EIF4G3: variants seen among roughly 807,000 people sequenced by gnomAD.
EIF4G3 encodes the protein eukaryotic translation initiation factor 4 gamma 3, also known as eIF-4-gamma 3.
Under a neutral mutation model 186.4 loss-of-function variants are expected in EIF4G3, and 34 were observed. The ratio of observed to expected loss-of-function variants is 0.18; its 90% CI spans 0.14 to 0.24. The LOEUF (loss-of-function observed/expected upper bound fraction) is 0.24. Among genes scored for constraint, EIF4G3 ranks in the 10% least tolerant of loss-of-function variants. The probability of loss-of-function intolerance (pLI) is 1.00; values close to 1 mark genes in which losing one functional copy is unlikely to be tolerated. For missense variants in EIF4G3, 1,536 were observed against 1,948.5 expected, an observed-to-expected ratio of 0.79 and a Z score of 3.99; for synonymous variants, 673 against 679.5, an observed-to-expected ratio of 0.99 and a Z score of 0.15.
intron 14 of EIF4G3, among the ~76,000 whole-genome samples, chr1:20,938,983 T>C (rs1274548270): frequency 5.3e-5 from 8 of 152,046 alleles, no homozygotes; most frequent in Admixed American, 5.2e-4. Context: ...GGCACACGCC[T>C]ATAATCCCAG....
At chr1:20,921,528 C>T (rs12128406) in intron 14 of EIF4G3, among the ~76,000 whole-genome samples, 1 of 152,162 alleles carries the variant, frequency 6.6e-6, no homozygotes, top group Non-Finnish European at 1.5e-5. Context: ...GATTATGTCA[C>T]AGGATTGCAA....
At chr1:20,845,021 C>T (rs2070316275) in intron 29 of EIF4G3, among the ~76,000 whole-genome samples, 1 of 152,156 alleles carries the variant, frequency 6.6e-6, no homozygotes, top group Admixed American at 6.6e-5. Context: ...CTGTTTTTGG[C>T]ATCTTCATCA....
intron 3 of EIF4G3, among the ~76,000 whole-genome samples, chr1:21,071,721 G>A (rs542026731): frequency 3.6e-4 from 55 of 151,530 alleles, no homozygotes; most frequent in Non-Finnish European, 6.6e-4. Context: ...CAGGAGAATC[G>A]CTTGAACCCA....
At chr1:20,853,487 C>G (rs2073977701) in intron 27 of EIF4G3, 73 bp downstream of exon 27, 7 of 958,150 alleles carry the variant, frequency 7.3e-6, no homozygotes, top group East Asian at 2.4e-5. Flanking sequence ...CTATCAAAAC[C>G]CTTGTTCTTA....
chr1:21,015,824 G>A (rs1238205649), intron 4 of EIF4G3, among the ~76,000 whole-genome samples: 2 of 149,022 alleles, frequency 1.3e-5, no homozygotes, highest in Admixed American at 1.3e-4. Context: ...CAAAAATGAG[G>A]GAAGAATTAA....
chr1:21,117,763 T>TAAAAAAAAAAA (rs757506833), intron 2 of EIF4G3, among the ~76,000 whole-genome samples: 39 of 107,524 alleles, frequency 3.6e-4, no homozygotes, highest in East Asian at 1.1e-3. Flanking sequence ...AAAAAAAAAT[T>TAAAAAAAAAAA]AAAAGCAGAA....
intron 19 of EIF4G3, among the ~76,000 whole-genome samples, chr1:20,880,280 C>T (rs1261656787): frequency 6.6e-6 from 1 of 152,162 alleles, no homozygotes; most frequent in African/African-American, 2.4e-5. Flanking sequence ...TAATTGTCTA[C>T]ATAGACAATC....
At position 21,053,857 on chromosome 1, in the gene EIF4G3, C is replaced by G. The variant is rs1197184356; in HGVS notation, c.-195-2863G>C. Among the ~76,000 whole-genome samples the G allele has an allele frequency of 2.1e-5, 3 of 143,712 alleles. No homozygotes were observed. The East Asian group carries it at 6.4e-4, about 31-fold the overall frequency. The allele number at this position is 143,712 out of a possible 152,430, so 94.3% of individuals were successfully genotyped here. A position where few individuals can be genotyped will look rare whatever the true frequency, so the allele number is the denominator to read the frequency against. On this transcript the variant is annotated intron_variant, in intron 3 of 36. Transcript: ENST00000602326. ...TCCGGGAGGGAGGTGGGGGGGTCAG[C>G]CCCCCGCCCGGCCAGCCGCCCCGTC...
At position 20,878,774 on chromosome 1, in the gene EIF4G3, G is replaced by T. The variant is rs184694822; in HGVS notation, c.2622+549C>A. On this transcript the variant is annotated intron_variant, in intron 20 of 36. Transcript: ENST00000602326. Reference sequence around the variant, plus strand: ...AATGAACACTAACCAGAAGCTCTTTGGTCTCCCTCTCTGTCTTGCCCTAGG... The same window carrying T: ...AATGAACACTAACCAGAAGCTCTTTTGTCTCCCTCTCTGTCTTGCCCTAGG... 1.2e-3 allele frequency among the ~76,000 whole-genome samples: 178 copies of T among 152,274 alleles called. 2 individuals carry two copies. Among genetic ancestry groups the T allele is most frequent in the Non-Finnish European group, 6.5e-4 (44 of 68,020 alleles).
chr1:21,100,409 T>C (rs2096489335), intron 2 of EIF4G3, among the ~76,000 whole-genome samples: 1 of 152,182 alleles, frequency 6.6e-6, no homozygotes, highest in Non-Finnish European at 1.5e-5. Flanking sequence ...CCAAAAAAAG[T>C]AAATATTATT....
chr1:20,973,017 C>G lies in EIF4G3; in HGVS notation c.576G>C (p.Lys192Asn). ...AATCTCTTACAGTTTTTTTCTCTCTCTTGGCTGGAGGCGGCTGTTGCTGCG... is the reference window on the plus strand; with the variant it reads ...AATCTCTTACAGTTTTTTTCTCTCTGTTGGCTGGAGGCGGCTGTTGCTGCG... ...VPTQQQPPPA[K>N]REKKTIRIRD... The change falls in exon 11 of 37, where the codon AAG becomes AAC. Residue 192 changes from lysine (K) to asparagine (N), a missense_variant. By Grantham distance (94) the Lys-to-Asn change is moderately conservative. This residue lies in a region of EIF4G3 where 194 missense variants were observed against 212.8 expected (regional missense o/e 0.91). Transcript: ENST00000602326. The G allele has an allele frequency of 6.2e-7, 1 of 1,601,704 alleles. No homozygotes were observed. Among genetic ancestry groups the G allele is most frequent in the Non-Finnish European group, 8.5e-7 (1 of 1,176,666 alleles).
At position 20,810,895 on chromosome 1, in the gene EIF4G3, T is replaced by C. The variant is rs929839925; in HGVS notation, c.4598-11A>G. 14 of 1,606,022 alleles carry C rather than the reference T, an allele frequency of 8.7e-6. No individual in the cohort carries two copies. Among genetic ancestry groups the C allele is most frequent in the South Asian group, 2.2e-5 (2 of 90,738 alleles). On this transcript the variant is annotated splice_polypyrimidine_tract_variant and intron_variant, in intron 35 of 36. Transcript: ENST00000602326. This position sits in a 1 kb window ranked among gnomAD's most constrained non-coding sequence, Gnocchi z 4.1. ...AGGTAGAAGAGTCGGCTAAAGGTGA[T>C]AGAAGAACTAGGAATTACATTTAAG...
intron 4 of EIF4G3, among the ~76,000 whole-genome samples, chr1:21,020,619 G>A (rs1021962574): frequency 6.6e-6 from 1 of 152,146 alleles, no homozygotes. Flanking sequence ...TCCAAGTCAG[G>A]TCCTATTTAC....
At chr1:21,150,831 C>G (rs2097537531) in intron 2 of EIF4G3, among the ~76,000 whole-genome samples, 1 of 152,100 alleles carries the variant, frequency 6.6e-6, no homozygotes, top group Non-Finnish European at 1.5e-5. Context: ...ACAAAATTAG[C>G]TGGGCATGGT....
intron 3 of EIF4G3, among the ~76,000 whole-genome samples, chr1:21,059,491 T>G (rs2094769540): frequency 6.6e-6 from 1 of 152,086 alleles, no homozygotes; most frequent in African/African-American, 2.4e-5. Flanking sequence ...AAGTTTTACT[T>G]ATACATGACA....
chr1:20,938,170 T>C (rs1420225805), intron 14 of EIF4G3, among the ~76,000 whole-genome samples: 1 of 152,266 alleles, frequency 6.6e-6, no homozygotes, highest in South Asian at 2.1e-4. Flanking sequence ...AATTTTTGTA[T>C]TTTTAGTAGA....
At chr1:21,131,515 A>G (rs896453730) in intron 2 of EIF4G3, among the ~76,000 whole-genome samples, 1 of 152,026 alleles carries the variant, frequency 6.6e-6, no homozygotes, top group Non-Finnish European at 1.5e-5. Context: ...TAAGCAAGGT[A>G]AATATAAAAC....
At chr1:20,903,225 A>G (rs191474991) in intron 15 of EIF4G3, among the ~76,000 whole-genome samples, 6 of 152,326 alleles carry the variant, frequency 3.9e-5, no homozygotes, top group East Asian at 1.9e-4. Flanking sequence ...TCATTTACAC[A>G]TTGTTGATGG....
intron 33 of EIF4G3, among the ~76,000 whole-genome samples, chr1:20,819,294 G>GCC (rs902070166): frequency 3.3e-5 from 5 of 150,688 alleles, no homozygotes; most frequent in Admixed American, 2.6e-4. Context: ...ATATTATTTT[G>GCC]CCTTTTTTTT....
Sources: gnomAD v4.1 joint callset for allele counts (sites outside exome capture counted in the v4.1 genomes callset) on GRCh38, gnomAD v4.1.1 for gene constraint, gnomAD v4.1.1 regional missense constraint, Gnocchi (gnomAD v3.1) non-coding constraint, MANE v1.5 for transcripts, NCBI Gene and HGNC (gene_info 2026-07-23, HGNC 2026-07-21) for gene names.